Variants in CPAMD8 observed in about 807,000 individuals in gnomAD.
The protein encoded by CPAMD8 is C3 and PZP-like alpha-2-macroglobulin domain-containing protein 8.
Under a neutral mutation model 224.7 loss-of-function variants are expected in CPAMD8, and 146 were observed. The ratio of observed to expected loss-of-function variants is 0.65; its 90% CI spans 0.57 to 0.75. CPAMD8 has a LOEUF of 0.75. CPAMD8 is among the 30% of genes least tolerant of loss of function. The pLI is 0.00. For missense variants in CPAMD8, 2,301 were observed against 2,537.5 expected (o/e 0.91, Z 2.00); for synonymous variants, 966 against 1,044.6 (o/e 0.92, Z 1.45).
At chr19:16,938,250 C>A in intron 23 of CPAMD8, 145 bp downstream of exon 23, 1 of 540,680 alleles carries the variant, frequency 1.8e-6, no homozygotes. Flanking sequence ...ATCGTTCTTC[C>A]TAAACCACAG....
intron 22 of CPAMD8, among the ~76,000 whole-genome samples, chr19:16,944,269 T>C (rs2053998898): frequency 6.6e-6 from 1 of 152,208 alleles, no homozygotes; most frequent in African/African-American, 2.4e-5. Flanking sequence ...TAAATTGCTT[T>C]TCTAATTGTA....
chr19:16,972,364 T>C (rs879577982), intron 17 of CPAMD8, among the ~76,000 whole-genome samples: 2 of 152,078 alleles, frequency 1.3e-5, no homozygotes, highest in Admixed American at 1.3e-4. Context: ...CTCATCATTG[T>C]ACTAATTACT....
chr19:16,959,407 T>C (rs1016284837), intron 18 of CPAMD8, among the ~76,000 whole-genome samples: 3 of 151,804 alleles, frequency 2.0e-5, no homozygotes, highest in African/African-American at 7.3e-5. Context: ...ACTCCCGACA[T>C]CAAGTGATCC....
rs1211854422 is a variant in CPAMD8, at chr19:16,897,702, G to C, written c.5054C>G (p.Ala1685Gly). 4 of 1,536,642 alleles carry C rather than the reference G, an allele frequency of 2.6e-6. No individual in the cohort carries two copies. The highest frequency in any genetic ancestry group is 4.0e-5 in the Admixed American group (2 of 50,390). The change falls in exon 39 of 42, where the codon GCC becomes GGC. Residue 1685 changes from alanine to glycine, a missense_variant. Ala to Gly is a moderately conservative substitution (Grantham distance 60, BLOSUM62 0). Around this residue, in one of 4 missense-constraint regions of CPAMD8, gnomAD observed 1,709 missense variants for 1,753.2 expected, o/e 0.97. Transcript: ENST00000443236. ...CTCCGCGCACTCACCCGGGCCCCGG[G>C]CAGGGGCGCGCTCCACTTCGTTGCA... ...PACNEVERAP[A>G]RGPGWFPGES...
At chr19:16,922,075 C>T in intron 26 of CPAMD8, 89 bp from the exon 27 acceptor site, 1 of 821,580 alleles carries the variant, frequency 1.2e-6, no homozygotes. Context: ...CCGTCCCCTA[C>T]CCCGGATCTC....
intron 26 of CPAMD8, among the ~76,000 whole-genome samples, chr19:16,922,187 A>G (rs1459810900): frequency 1.3e-5 from 2 of 152,086 alleles, no homozygotes; most frequent in African/African-American, 2.4e-5. Flanking sequence ...AAACTGCCCC[A>G]TACCACATGT....
chr19:16,892,963 C>A lies in CPAMD8; in HGVS notation c.*145G>T. 2 of 763,662 alleles carry A rather than the reference C, an allele frequency of 2.6e-6. No individual in the cohort carries two copies. The highest frequency in any genetic ancestry group is 4.8e-6 in the Non-Finnish European group (2 of 414,666). The allele number at this position is 763,662 out of a possible 1,614,324, so 47.3% of individuals were successfully genotyped here. A position where few individuals can be genotyped will look rare whatever the true frequency, so the allele number is the denominator to read the frequency against. On this transcript the variant is annotated 3_prime_UTR_variant, in exon 42 of 42. Transcript: ENST00000443236. ...GCACCCCAGAACATGTGAGTAAGAT[C>A]AGTAACGTGTATTCTTGTCAATATC... is the stretch of plus-strand genomic sequence containing the variant.
chr19:16,946,501 A>ATG (rs1383102969), intron 21 of CPAMD8, among the ~76,000 whole-genome samples: 1 of 93,800 alleles, frequency 1.1e-5, no homozygotes, highest in Non-Finnish European at 2.0e-5. Context: ...ACATGTGGGC[A>ATG]TGTGTGTGTG....
At chr19:16,906,407 T>TTTCCTTCCTTCCTTCCTTCCTTCC (rs553500267) in intron 30 of CPAMD8, among the ~76,000 whole-genome samples, 7 of 69,864 alleles carry the variant, frequency 1.0e-4, no homozygotes, top group African/African-American at 3.2e-4. Flanking sequence ...TCTTTCTTTC[T>TTTCCTTCCTTCCTTCCTTCCTTCC]TTCCTTCCTT....
At chr19:16,917,569 G>A (rs979110128) in intron 27 of CPAMD8, among the ~76,000 whole-genome samples, 5 of 152,168 alleles carry the variant, frequency 3.3e-5, no homozygotes, top group Admixed American at 1.3e-4. Context: ...GCAACACCTG[G>A]TCTCTACTGA....
In CPAMD8 at chr19:16,916,270, T is replaced by A. The variant is rs1460905015; in HGVS notation, c.3630-1457A>T. Reference sequence around the variant, plus strand: ...CTCCAGTGATCCTCCCACAATGGCCTCCCAAAGTGGTGGGATTATAGGCAT... The same window carrying A: ...CTCCAGTGATCCTCCCACAATGGCCACCCAAAGTGGTGGGATTATAGGCAT... On this transcript the variant is annotated intron_variant, in intron 27 of 41. Coordinates refer to ENST00000443236, the MANE Select transcript of CPAMD8 (RefSeq NM_015692.5). Among the ~76,000 whole-genome samples, 5 of 152,004 alleles carry A rather than the reference T, an allele frequency of 3.3e-5. No individual in the cohort carries two copies. The East Asian group carries it at 9.7e-4, about 30-fold the overall frequency.
intron 25 of CPAMD8, among the ~76,000 whole-genome samples, chr19:16,925,870 C>G (rs892144566): frequency 6.6e-6 from 1 of 152,130 alleles, no homozygotes; most frequent in Admixed American, 6.6e-5. Flanking sequence ...TCTCCTGCCT[C>G]AGCCTCCTGA....
intron 27 of CPAMD8, among the ~76,000 whole-genome samples, chr19:16,915,403 A>G: frequency 6.6e-6 from 1 of 152,232 alleles, no homozygotes; most frequent in South Asian, 2.1e-4. Context: ...GGATGGAAGG[A>G]AAAAAACGAG....
chr19:17,019,546 T>C lies in CPAMD8; in HGVS notation c.267+785A>G, dbSNP rs559034015. Among the ~76,000 whole-genome samples the C allele has an allele frequency of 6.6e-5, 10 of 151,408 alleles. No individual in the cohort carries two copies. In the East Asian group the frequency reaches 2.0e-3, roughly 30 times the overall value. On this transcript the variant is annotated intron_variant, in intron 3 of 41. Transcript: ENST00000443236. Reference sequence around the variant, plus strand: ...GATTATCGGTGGATTTCTCCTTTTCTAAATTTCATTATTCTCTCATTTTTT... The same window carrying C: ...GATTATCGGTGGATTTCTCCTTTTCCAAATTTCATTATTCTCTCATTTTTT...
At chr19:16,945,442 G>T in intron 22 of CPAMD8, 107 bp downstream of exon 22, 1 of 1,465,742 alleles carries the variant, frequency 6.8e-7, no homozygotes, top group East Asian at 2.3e-5. Flanking sequence ...CGTGAAGGCT[G>T]CCCAGGCCCT....
intron 18 of CPAMD8, among the ~76,000 whole-genome samples, chr19:16,965,810 G>C (rs1397408224): frequency 6.6e-6 from 1 of 152,092 alleles, no homozygotes; most frequent in Non-Finnish European, 1.5e-5. Context: ...TCTTCAAGGA[G>C]AACTACAAAC....
intron 22 of CPAMD8, among the ~76,000 whole-genome samples, chr19:16,943,507 ATCC>A (rs2053974188): frequency 6.6e-6 from 1 of 151,938 alleles, no homozygotes; most frequent in East Asian, 1.9e-4. Flanking sequence ...GCCTCAAGCC[ATCC>A]TCCTGCCTCA....
intron 3 of CPAMD8, among the ~76,000 whole-genome samples, chr19:17,014,649 T>C (rs2056764303): frequency 6.6e-6 from 1 of 152,158 alleles, no homozygotes; most frequent in Admixed American, 6.5e-5. Flanking sequence ...AAAAAGGGGT[T>C]TCCCCTTATA....
At chr19:17,023,521 A>G (rs1175229028) in intron 1 of CPAMD8, among the ~76,000 whole-genome samples, 2 of 152,154 alleles carry the variant, frequency 1.3e-5, no homozygotes, top group African/African-American at 2.4e-5. Flanking sequence ...AAACTGGACC[A>G]TGCAATGAGA....
Sources: allele counts gnomAD v4.1 joint callset (sites outside exome capture counted in the v4.1 genomes callset), GRCh38; gene constraint gnomAD v4.1.1; regional missense constraint gnomAD v4.1.1; transcripts MANE v1.5; gene names NCBI Gene and HGNC (gene_info 2026-07-23, HGNC 2026-07-21).